Variants in MYO3B observed in about 807,000 individuals in gnomAD.
MYO3B encodes the protein myosin IIIB.
Under a neutral mutation model 174.6 loss-of-function variants are expected in MYO3B, and 156 were observed. The ratio of observed to expected loss-of-function variants is 0.89; its 90% CI spans 0.78 to 1.02. The LOEUF is 1.02. Ranked by LOEUF, MYO3B falls within the 50% of genes least tolerant of loss-of-function variation. The probability of loss-of-function intolerance (pLI) is 0.00; values close to 1 mark genes in which losing one functional copy is unlikely to be tolerated. For missense variants in MYO3B, 1,632 were observed against 1,639.4 expected (o/e 1.00, Z 0.08); for synonymous variants, 563 against 569.1 (o/e 0.99, Z 0.15).
chr2:170,549,490 G>A (rs893252420), intron 32 of MYO3B, among the ~76,000 whole-genome samples: 2 of 152,114 alleles, frequency 1.3e-5, no homozygotes, highest in Non-Finnish European at 2.9e-5. Context: ...CTTTCACTTA[G>A]CAGCTTCTTT....
chr2:170,521,498 G>A (rs542423302), intron 30 of MYO3B, among the ~76,000 whole-genome samples: 2 of 152,222 alleles, frequency 1.3e-5, no homozygotes, highest in African/African-American at 4.8e-5. Flanking sequence ...GAGAACACCA[G>A]GACAGTGCTC....
At chr2:170,410,986 C>T (rs893923920) in intron 22 of MYO3B, among the ~76,000 whole-genome samples, 1 of 142,814 alleles carries the variant, frequency 7.0e-6, no homozygotes, top group Non-Finnish European at 1.5e-5. Context: ...AGTTCAAGGC[C>T]GGTCTGGGCA....
chr2:170,431,541 A>G (rs17498048), intron 22 of MYO3B, among the ~76,000 whole-genome samples: 11,896 of 152,272 alleles, frequency 0.078, 563 homozygotes, highest in Non-Finnish European at 0.11. Flanking sequence ...ATTCTAAAGA[A>G]AAAAGTCAGT....
Position 170,396,965 on chromosome 2 carries a change from T to C in MYO3B, c.1792-3223T>C, listed in dbSNP as rs140571029. Among the ~76,000 whole-genome samples the C allele has an allele frequency of 9.6e-4, 146 of 152,320 alleles. 2 individuals are homozygous for C. The highest frequency in any genetic ancestry group is 3.4e-3 in the Middle Eastern group (1 of 294). On this transcript the variant is annotated intron_variant, in intron 16 of 34. Transcript: ENST00000408978. Reference sequence around the variant, plus strand: ...GAACTCACTGCAAGAGTCTCTGTTTTACCCCCTGGGATCTGCCTCTGTGGG... The same window carrying C: ...GAACTCACTGCAAGAGTCTCTGTTTCACCCCCTGGGATCTGCCTCTGTGGG...
intron 31 of MYO3B, among the ~76,000 whole-genome samples, chr2:170,543,261 T>C (rs1690240012): frequency 6.6e-6 from 1 of 152,180 alleles, no homozygotes. Flanking sequence ...CTACAGATGT[T>C]AGAGCCTCTT....
rs75109795 is a variant in MYO3B at position 170,214,554 on chromosome 2, A to G, written c.426+71A>G. On this transcript the variant is annotated intron_variant, in intron 4 of 34. Transcript: ENST00000408978. ...TGTTCATTGCTTGGGTCCTTATTGC[A>G]TATTAACAATGGGGAAACTGCCCTA... The G allele has an allele frequency of 1.8e-3, 2,691 of 1,473,210 alleles. 5 individuals carry two copies. The highest frequency in any genetic ancestry group is 7.3e-3 in the Middle Eastern group (42 of 5,790). 91.3% of individuals were successfully genotyped at this position (1,473,210 alleles called of 1,614,324 possible).
In MYO3B at chr2:170,200,259, G is replaced by A; in HGVS notation, c.296G>A (p.Gly99Glu). ...GMFYKADHCV[G>E]GQLWLVLELC... is the part of the protein sequence containing the mutation. Reference sequence around the variant, plus strand: ...TTTTACAAAGCGGATCACTGTGTAGGGGGACAGCTGTGGCTGGTCCTGGAG... The same window carrying A: ...TTTTACAAAGCGGATCACTGTGTAGAGGGACAGCTGTGGCTGGTCCTGGAG... Residue 99 changes from glycine (G) to glutamate (E), a missense_variant, in exon 3 of 35, where the codon GGG becomes GAG. Physicochemically the swap from Gly to Glu is moderately conservative, Grantham distance 98. Transcript: ENST00000408978. The A allele has an allele frequency of 6.2e-7, 1 of 1,612,684 alleles. No homozygotes were observed. The highest frequency in any genetic ancestry group is 8.5e-7 in the Non-Finnish European group (1 of 1,179,306).
chr2:170,404,663 C>T (rs2094499223), intron 20 of MYO3B, among the ~76,000 whole-genome samples: 1 of 152,036 alleles, frequency 6.6e-6, no homozygotes, highest in Admixed American at 6.6e-5. Flanking sequence ...TTCATTTTTA[C>T]ACCTTCCTCT....
intron 25 of MYO3B, 152 bp from the exon 26 acceptor site, chr2:170,498,440 A>G: frequency 1.8e-6 from 1 of 566,542 alleles, no homozygotes; most frequent in Non-Finnish European, 3.1e-6. Context: ...ATAAGTATAA[A>G]TTTTGTATCT....
intron 1 of MYO3B, among the ~76,000 whole-genome samples, chr2:170,183,094 A>G (rs1164187666): frequency 6.6e-6 from 1 of 151,920 alleles, no homozygotes; most frequent in African/African-American, 2.4e-5. Context: ...CGTCTCTACT[A>G]AAATACAAAA....
At chr2:170,540,128 C>G (rs1427659545) in intron 30 of MYO3B, among the ~76,000 whole-genome samples, 1 of 152,116 alleles carries the variant, frequency 6.6e-6, no homozygotes, top group East Asian at 1.9e-4. Context: ...TCGAGACCAG[C>G]CTGTGCAATA....
At chr2:170,288,197 CT>C (rs1422323240) in intron 7 of MYO3B, among the ~76,000 whole-genome samples, 4 of 147,470 alleles carry the variant, frequency 2.7e-5, no homozygotes, top group African/African-American at 9.9e-5. Flanking sequence ...ACTGATTTGT[CT>C]TTTTGGGGTC....
At chr2:170,496,572 G>A (rs1686861530) in intron 25 of MYO3B, among the ~76,000 whole-genome samples, 1 of 148,672 alleles carries the variant, frequency 6.7e-6, no homozygotes, top group Admixed American at 6.7e-5. Flanking sequence ...TTTCTAAAAG[G>A]ATAATATATT....
At chr2:170,619,846 A>G (rs959658306) in intron 32 of MYO3B, among the ~76,000 whole-genome samples, 19 of 139,866 alleles carry the variant, frequency 1.4e-4, no homozygotes, top group African/African-American at 5.0e-4. Flanking sequence ...TCCCAGGTTC[A>G]AGCAATTCTC....
At chr2:170,626,814 T>G (rs1696480770) in intron 32 of MYO3B, among the ~76,000 whole-genome samples, 2 of 152,318 alleles carry the variant, frequency 1.3e-5, no homozygotes, top group African/African-American at 4.8e-5. Context: ...TGAAGCTTAG[T>G]TTGGCTGGAT....
chr2:170,349,110 A>G (rs1055419143), intron 8 of MYO3B, among the ~76,000 whole-genome samples: 3 of 152,202 alleles, frequency 2.0e-5, no homozygotes, highest in African/African-American at 7.2e-5. Flanking sequence ...TCTGTAACAC[A>G]CAAGGTCATG....
chr2:170,612,701 G>T (rs73030778), intron 32 of MYO3B, among the ~76,000 whole-genome samples: 7,131 of 152,246 alleles, frequency 0.047, 547 homozygotes, highest in African/African-American at 0.16. Flanking sequence ...ACATGGCAAT[G>T]GATATTTGCG....
At chr2:170,370,871 G>T (rs1277785895) in intron 9 of MYO3B, among the ~76,000 whole-genome samples, 1 of 151,276 alleles carries the variant, frequency 6.6e-6, no homozygotes, top group African/African-American at 2.4e-5. Flanking sequence ...GACTTTGCCT[G>T]TCCAGATCTA....
chr2:170,502,119 G>C (rs569653400), intron 28 of MYO3B, among the ~76,000 whole-genome samples: 2 of 152,300 alleles, frequency 1.3e-5, no homozygotes, highest in East Asian at 3.9e-4. Context: ...TGATATTATA[G>C]AGGAGGAAAC....
Sources: allele counts gnomAD v4.1 joint callset (sites outside exome capture counted in the v4.1 genomes callset), GRCh38; gene constraint gnomAD v4.1.1; transcripts MANE v1.5; gene names NCBI Gene and HGNC (gene_info 2026-07-23, HGNC 2026-07-21).